The following CD82 variants were observed in gnomAD, a reference collection of about 807,000 sequenced individuals.
The protein encoded by CD82 is CD82 antigen.
A neutral mutation model predicts 37.4 loss-of-function variants in CD82; 36 were observed. The observed-to-expected ratio is 0.96, with a 90% CI of 0.74 to 1.27. The LOEUF (loss-of-function observed/expected upper bound fraction) is 1.27, where lower values mean the gene tolerates loss of function less well. Among genes scored for constraint, CD82 ranks in the 50% most tolerant of loss-of-function variants. CD82 has a pLI of 0.00. For synonymous variants in CD82, 158 were observed against 137.4 expected (o/e 1.15, Z -1.05); for missense variants, 340 against 347.0 (o/e 0.98, Z 0.16).
intron 3 of CD82, among the ~76,000 whole-genome samples, chr11:44,595,562 G>T (rs11038076): frequency 6.6e-6 from 1 of 152,076 alleles, no homozygotes; most frequent in African/African-American, 2.4e-5. Context: ...TTAAATGTAC[G>T]TATTCATTAA....
rs765384989 is a variant in CD82 at position 44,618,687 on chromosome 11, C to T, written c.690C>T (p.Ile230=). 1.9e-6 allele frequency: 3 copies of T among 1,613,556 alleles called. No homozygotes were observed. In the South Asian group the frequency reaches 3.3e-5, roughly 18 times the overall value. The change falls in exon 9 of 10, where the codon ATC becomes ATT. Residue 230 remains isoleucine, a synonymous_variant. Transcript: ENST00000227155. Reference sequence around the variant, plus strand: ...CGTGGCTGCAGGAGAACCTGGGCATCATCCTCGGCGTGGGCGTGGGTGTGG... The same window carrying T: ...CGTGGCTGCAGGAGAACCTGGGCATTATCCTCGGCGTGGGCGTGGGTGTGG... ...VQAWLQENLG[I]ILGVGVGVAI...
chr11:44,604,310 T>C (rs1853356704), intron 4 of CD82: 1 of 153,494 alleles, frequency 6.5e-6, no homozygotes, highest in Admixed American at 6.4e-5. Flanking sequence ...CCTGTAGCAA[T>C]ACATGTGCCC....
chr11:44,614,010 TG>T (rs140871749), intron 6 of CD82, among the ~76,000 whole-genome samples: 7,725 of 150,966 alleles, frequency 0.051, 276 homozygotes, highest in Middle Eastern at 0.11. Context: ...TTTTTGTTGT[TG>T]TTTTTGTTTT....
At chr11:44,589,919 C>T (rs895015849) in intron 2 of CD82, among the ~76,000 whole-genome samples, 2 of 152,044 alleles carry the variant, frequency 1.3e-5, no homozygotes, top group African/African-American at 4.8e-5. Flanking sequence ...CTGCAAGTTC[C>T]ACCTCCTGGG....
At chr11:44,572,391 C>G (rs536655079) in intron 1 of CD82, among the ~76,000 whole-genome samples, 1 of 152,142 alleles carries the variant, frequency 6.6e-6, no homozygotes. Context: ...AAGAAAAAAC[C>G]CATTCATACA....
chr11:44,585,517 C>G (rs1253577920), intron 1 of CD82, among the ~76,000 whole-genome samples: 2 of 152,154 alleles, frequency 1.3e-5, no homozygotes, highest in African/African-American at 2.4e-5. Flanking sequence ...ATAGATTGTG[C>G]CCTACTATGC....
rs771162762 is a variant in CD82 at position 44,588,012 on chromosome 11, G to T, written c.-21+456G>T. The T allele has an allele frequency of 1.4e-5, 3 of 218,000 alleles. No homozygotes were observed. The Admixed American group carries it at 1.5e-4, about 11-fold the overall frequency. 13.5% of individuals were successfully genotyped at this position (218,000 alleles called of 1,614,324 possible). Reference sequence around the variant, plus strand: ...CCCAGTCTTTCATGCAGCAATATTTGTTGGGAGTCTGCCTTGTTCTCGTAA... The same window carrying T: ...CCCAGTCTTTCATGCAGCAATATTTTTTGGGAGTCTGCCTTGTTCTCGTAA... On this transcript the variant is annotated intron_variant, in intron 2 of 9. Coordinates refer to ENST00000227155, the MANE Select transcript of CD82 (RefSeq NM_002231.4).
At chr11:44,573,187 G>A (rs372420091) in intron 1 of CD82, 1 of 143,558 alleles carries the variant, frequency 7.0e-6, no homozygotes, top group Non-Finnish European at 1.6e-5. Flanking sequence ...ACGGAGAGGG[G>A]AGTATGTGTT....
At chr11:44,590,191 G>T (rs115026220) in intron 2 of CD82, among the ~76,000 whole-genome samples, 1 of 147,678 alleles carries the variant, frequency 6.8e-6, no homozygotes, top group African/African-American at 2.5e-5. Context: ...TACACCAGGG[G>T]CCAGCAGGCT....
chr11:44,587,666 G>T, intron 2 of CD82, 110 bp downstream of exon 2: 2 of 442,912 alleles, frequency 4.5e-6, no homozygotes, highest in Admixed American at 2.4e-5. Flanking sequence ...TGAGCCACCA[G>T]GTGGGTGGAG....
intron 6 of CD82, among the ~76,000 whole-genome samples, chr11:44,609,053 G>A (rs1170554639): frequency 2.0e-5 from 3 of 152,244 alleles, no homozygotes; most frequent in South Asian, 2.1e-4. Flanking sequence ...TGCTGCCCTC[G>A]TTGTCAGCAG....
upstream of CD82, among the ~76,000 whole-genome samples, chr11:44,565,022 C>T (rs1852707020): frequency 6.6e-6 from 1 of 152,262 alleles, no homozygotes; most frequent in Non-Finnish European, 1.5e-5. Context: ...CAAAAAGTTC[C>T]TGGGCCCAGG....
rs193124538 is a variant in CD82, at chr11:44,568,189, G to C, written c.-103+2453G>C. ...CTGGGGTGGAGGATCCAGCGGTCAAGGGATAATGAACCAATGGCTGCAGTG... is the reference window on the plus strand; with the variant it reads ...CTGGGGTGGAGGATCCAGCGGTCAACGGATAATGAACCAATGGCTGCAGTG... On this transcript the variant is annotated intron_variant, in intron 1 of 9. Coordinates refer to ENST00000227155, the MANE Select transcript of CD82 (RefSeq NM_002231.4). Among the ~76,000 whole-genome samples the C allele has an allele frequency of 3.9e-5, 6 of 152,290 alleles. No homozygotes were observed. In the East Asian group the frequency reaches 1.2e-3, roughly 29 times the overall value.
chr11:44,568,179 C>T (rs1030716637), intron 1 of CD82, among the ~76,000 whole-genome samples: 1 of 151,990 alleles, frequency 6.6e-6, no homozygotes, highest in Non-Finnish European at 1.5e-5. Flanking sequence ...GTGGAGGATC[C>T]AGCGGTCAAG....
In CD82 at chr11:44,594,811, C is replaced by A. The variant is rs796833348; in HGVS notation, c.63+86C>A. The A allele has an allele frequency of 6.2e-6, 7 of 1,137,552 alleles. No homozygotes were observed. The African/African-American group carries it at 1.1e-4, about 17-fold the overall frequency. The allele number at this position is 1,137,552 out of a possible 1,614,324, so 70.5% of individuals were successfully genotyped here. A position where few individuals can be genotyped will look rare whatever the true frequency, so the allele number is the denominator to read the frequency against. ...CAGCCTGAGCCTTTCCAGAGCCGAC[C>A]GGGCCGGGGATTGGGGGGATTTGGT... is the stretch of plus-strand genomic sequence containing the variant. On this transcript the variant is annotated intron_variant, in intron 3 of 9. Transcript: ENST00000227155.
rs1222563294 is a variant in CD82, at chr11:44,597,405, G to T, written c.63+2680G>T. ...GGGCCTGCCCCACAGCTCCAGTCTT[G>T]GTTCACAGAGAAAAAGGGGGTGCCA... On this transcript the variant is annotated intron_variant, in intron 3 of 9. Transcript: ENST00000227155. The surrounding 1 kb of genome is among the most constrained non-coding windows in gnomAD (Gnocchi z 4.1). Among the ~76,000 whole-genome samples the T allele has an allele frequency of 2.0e-5, 3 of 152,216 alleles. No homozygotes were observed. Among genetic ancestry groups the T allele is most frequent in the African/African-American group, 7.2e-5 (3 of 41,458 alleles).
intron 4 of CD82, among the ~76,000 whole-genome samples, chr11:44,603,668 G>T (rs1252400191): frequency 6.6e-6 from 1 of 152,162 alleles, no homozygotes; most frequent in Non-Finnish European, 1.5e-5. Context: ...ATGCCCTGGG[G>T]GTACAGTGTA....
intron 1 of CD82, among the ~76,000 whole-genome samples, chr11:44,574,201 T>TTA (rs1490906445): frequency 2.0e-5 from 3 of 152,156 alleles, no homozygotes; most frequent in Admixed American, 2.0e-4. Flanking sequence ...AGTTGAGGGC[T>TTA]TACGTCTAGA....
chr11:44,581,376 A>G (rs1018676470), intron 1 of CD82, among the ~76,000 whole-genome samples: 1 of 152,172 alleles, frequency 6.6e-6, no homozygotes, highest in African/African-American at 2.4e-5. Flanking sequence ...GGCTTATCTC[A>G]TAGGATCATT....
Sources: allele counts gnomAD v4.1 joint callset (sites outside exome capture counted in the v4.1 genomes callset), GRCh38; gene constraint gnomAD v4.1.1; non-coding constraint Gnocchi (gnomAD v3.1); transcripts MANE v1.5; gene names NCBI Gene and HGNC (gene_info 2026-07-23, HGNC 2026-07-21).